Variants in RTL9 observed in about 807,000 individuals in gnomAD.
RTL9 encodes retrotransposon Gag like 9.
In RTL9, 19 loss-of-function variants were observed where a neutral mutation model predicts 44.7. That is an observed-to-expected ratio of 0.42 (90% confidence interval 0.30 to 0.62). The LOEUF is 0.62. Ranked by LOEUF, RTL9 falls within the 20% of genes least tolerant of loss-of-function variation. The pLI is 0.16. For missense variants in RTL9, 1,105 were observed against 1,080.6 expected, an observed-to-expected ratio of 1.02 and a Z score of -0.32; for synonymous variants, 407 against 398.9, an observed-to-expected ratio of 1.02 and a Z score of -0.24.
chrX:110,455,156 A>G (rs2068973179), intron 1 of RTL9, 46 bp from the exon 4 acceptor site: 1 of 1,203,693 alleles, frequency 8.3e-7, no homozygotes. Context: ...ACCCGTTGCC[A>G]TAGTAAGTGT....
intron 1 of RTL9, among the ~76,000 whole-genome samples, chrX:110,370,646 C>T (rs2068331925): frequency 8.9e-6 from 1 of 112,299 alleles, no homozygotes; most frequent in African/African-American, 3.2e-5. Context: ...GTAGGCTTTC[C>T]CTACATGCTG....
Position 110,426,408 on chromosome X carries a change from G to A in RTL9, c.-168+7273G>A, listed in dbSNP as rs981250056. On this transcript the variant is annotated intron_variant, in intron 1 of 3. Transcript: ENST00000465301. The stretch of plus-strand genomic sequence containing the variant: ...GATTGCTGGTAGTCTGCTTGCCCAC[G>A]GAGGAGACTTACAAATAGTCATGAC... Among the ~76,000 whole-genome samples the A allele has an allele frequency of 6.3e-5, 7 of 111,480 alleles. No homozygotes were observed. The East Asian group carries it at 8.4e-4, about 13-fold the overall frequency.
chrX:110,390,599 A>C (rs1249516572), intron 1 of RTL9, among the ~76,000 whole-genome samples: 1 of 111,647 alleles, frequency 9.0e-6, no homozygotes, highest in Non-Finnish European at 1.9e-5. Flanking sequence ...CAGAGGGCTA[A>C]ATAGAAATTC....
intron 1 of RTL9, among the ~76,000 whole-genome samples, chrX:110,428,618 GT>G (rs2068771901): frequency 9.0e-6 from 1 of 110,640 alleles, no homozygotes; most frequent in Non-Finnish European, 1.9e-5. Flanking sequence ...TCTCCAAGAT[GT>G]GGCTTTCTAA....
intron 1 of RTL9, among the ~76,000 whole-genome samples, chrX:110,440,760 C>G (rs986704713): frequency 8.9e-6 from 1 of 112,369 alleles, no homozygotes; most frequent in African/African-American, 3.2e-5. Context: ...TTTCTTTTGG[C>G]CTTTGGCATA....
intron 1 of RTL9, among the ~76,000 whole-genome samples, chrX:110,363,003 T>C (rs2068274343): frequency 1.8e-5 from 2 of 112,160 alleles, no homozygotes; most frequent in African/African-American, 6.5e-5. Context: ...AAAAGGAAGC[T>C]AGCATTTCAA....
At chrX:110,382,267 A>G (rs1040866881) in intron 1 of RTL9, among the ~76,000 whole-genome samples, 3 of 110,385 alleles carry the variant, frequency 2.7e-5, no homozygotes, top group Admixed American at 9.7e-5. Context: ...AAAGAGCACA[A>G]TGGGTCATGA....
chrX:110,454,451 C>G (rs2068968266), exon 1 of RTL9: 1 of 1,211,830 alleles, frequency 8.3e-7, no homozygotes, highest in East Asian at 3.0e-5. Context: ...TGGAAGGACT[C>G]TCAGAAGCTG....
intron 1 of RTL9, among the ~76,000 whole-genome samples, chrX:110,413,516 C>G (rs1602984641): frequency 9.6e-6 from 1 of 103,861 alleles, no homozygotes; most frequent in Admixed American, 1.0e-4. Context: ...CCTGGTCAAC[C>G]CCCCCCCACC....
chrX:110,361,209 G>A (rs1448498513), intron 1 of RTL9, among the ~76,000 whole-genome samples: 1 of 111,208 alleles, frequency 9.0e-6, no homozygotes, highest in Non-Finnish European at 1.9e-5. Flanking sequence ...TCAGGCGGAA[G>A]ACCTAGGAAT....
At chrX:110,430,918 A>G (rs780962790) in intron 1 of RTL9, among the ~76,000 whole-genome samples, 1 of 112,328 alleles carries the variant, frequency 8.9e-6, no homozygotes, top group Non-Finnish European at 1.9e-5. Context: ...AGATGTGGTC[A>G]TAACATGGCT....
chrX:110,433,577 C>G (rs776946715), intron 1 of RTL9, among the ~76,000 whole-genome samples: 4 of 111,676 alleles, frequency 3.6e-5, no homozygotes, highest in Non-Finnish European at 7.5e-5. Context: ...TTGTATTATG[C>G]TTATCATACA....
chrX:110,442,251 G>C (rs28634519), intron 1 of RTL9, among the ~76,000 whole-genome samples: 4,839 of 55,566 alleles, frequency 0.087, 186 homozygotes, highest in African/African-American at 0.24. Flanking sequence ...CTCTCTCTGT[G>C]TGTGTGTGTG....
At chrX:110,448,037 T>C (rs73542232), upstream of RTL9, among the ~76,000 whole-genome samples, 258 of 112,316 alleles carry the variant, frequency 2.3e-3, 2 homozygotes, top group Middle Eastern at 9.1e-3. Flanking sequence ...TGCTCAAGGC[T>C]GGTGTGCTTT....
chrX:110,392,343 A>C (rs991123142), intron 1 of RTL9, among the ~76,000 whole-genome samples: 10 of 103,435 alleles, frequency 9.7e-5, no homozygotes, highest in Middle Eastern at 5.1e-3. Flanking sequence ...TGGTGTAATC[A>C]TGGCTCACTG....
chrX:110,453,691 G>A, exon 1 of RTL9: 1 of 1,211,681 alleles, frequency 8.3e-7, no homozygotes, highest in Non-Finnish European at 1.1e-6. Flanking sequence ...TCTGCTTCTG[G>A]AGCAAGGTCC....
At chrX:110,408,640 A>G (rs1423626482) in intron 1 of RTL9, among the ~76,000 whole-genome samples, 1 of 112,105 alleles carries the variant, frequency 8.9e-6, no homozygotes, top group African/African-American at 3.2e-5. Flanking sequence ...GATCACACAG[A>G]CTCATTCACC....
At chrX:110,400,874 T>C (rs768288247) in intron 1 of RTL9, among the ~76,000 whole-genome samples, 1 of 111,859 alleles carries the variant, frequency 8.9e-6, no homozygotes, top group Non-Finnish European at 1.9e-5. Flanking sequence ...ATGTGGTAAA[T>C]GAATCAATGA....
chrX:110,454,295 T>C (rs1427404770), exon 1 of RTL9: 1 of 1,210,358 alleles, frequency 8.3e-7, no homozygotes, highest in Non-Finnish European at 1.1e-6. Context: ...AGGGCATATA[T>C]GACTCCCTAT....
Sources: allele counts gnomAD v4.1 joint callset (sites outside exome capture counted in the v4.1 genomes callset), GRCh38; gene constraint gnomAD v4.1.1; transcripts MANE v1.5; gene names NCBI Gene and HGNC (gene_info 2026-07-23, HGNC 2026-07-21).